Variants in IL17RD observed in about 807,000 individuals in gnomAD.
The protein encoded by IL17RD is interleukin-17 receptor D.
A neutral mutation model predicts 80.5 loss-of-function variants in IL17RD; 52 were observed. The ratio of observed to expected loss-of-function variants is 0.65; its 90% CI spans 0.52 to 0.81. IL17RD has a LOEUF of 0.81. IL17RD is among the 40% of genes least tolerant of loss of function. IL17RD has a pLI of 0.00. For synonymous variants in IL17RD, 416 were observed against 391.8 expected (o/e 1.06, Z -0.73); for missense variants, 1,024 against 955.1 (o/e 1.07, Z -0.95).
Position 57,102,457 on chromosome 3 carries a change from GAC to G in IL17RD, c.979+20_979+21del, listed in dbSNP as rs747296500. ...CCTGGCCTGCCCCTTGTTGTGGGGA[GAC>G]ACAGCACACAAAGAGATACCTTGTT... On this transcript the variant is annotated intron_variant, in intron 10 of 12. Transcript: ENST00000296318. The G allele has an allele frequency of 7.2e-7, 1 of 1,385,590 alleles. No individual in the cohort carries two copies. Among genetic ancestry groups the G allele is most frequent in the Non-Finnish European group, 1.0e-6 (1 of 1,002,478 alleles). 85.8% of individuals were successfully genotyped at this position (1,385,590 alleles called of 1,614,324 possible).
intron 7 of IL17RD, among the ~76,000 whole-genome samples, chr3:57,105,432 G>C (rs188440368): frequency 3.3e-5 from 5 of 150,488 alleles, no homozygotes; most frequent in African/African-American, 9.8e-5. Context: ...AGCTACTCCA[G>C]AGGCTGAGGC....
chr3:57,124,240 T>G (rs1579286969), intron 1 of IL17RD, among the ~76,000 whole-genome samples: 1 of 152,128 alleles, frequency 6.6e-6, no homozygotes, highest in African/African-American at 2.4e-5. Context: ...TCTATTTTCC[T>G]TACACCTCAG....
chr3:57,110,368 C>A, intron 3 of IL17RD, 57 bp from the exon 4 acceptor site: 1 of 1,526,050 alleles, frequency 6.6e-7, no homozygotes, highest in African/African-American at 1.4e-5. Context: ...TGAACACACT[C>A]TTCTTCCTCC....
chr3:57,125,177 C>T (rs888738404), intron 1 of IL17RD, among the ~76,000 whole-genome samples: 1 of 152,086 alleles, frequency 6.6e-6, no homozygotes, highest in Non-Finnish European at 1.5e-5. Flanking sequence ...GAGGCCAAGG[C>T]GGCCGGATCA....
At chr3:57,153,740 T>C (rs2060246061) in intron 1 of IL17RD, among the ~76,000 whole-genome samples, 1 of 152,202 alleles carries the variant, frequency 6.6e-6, no homozygotes, top group Non-Finnish European at 1.5e-5. Flanking sequence ...AGCACAATAA[T>C]GGGGAATCCC....
chr3:57,146,794 T>A (rs1489736285), intron 1 of IL17RD, among the ~76,000 whole-genome samples: 3 of 144,004 alleles, frequency 2.1e-5, no homozygotes, highest in African/African-American at 2.5e-5. Context: ...TAAACGTCAA[T>A]ATTTCGTGTG....
intron 1 of IL17RD, among the ~76,000 whole-genome samples, chr3:57,157,110 C>T (rs1241197654): frequency 6.6e-6 from 1 of 152,042 alleles, no homozygotes; most frequent in African/African-American, 2.4e-5. Context: ...GGGGCCTCCT[C>T]CAAAGCAGGG....
intron 1 of IL17RD, among the ~76,000 whole-genome samples, chr3:57,122,079 C>G (rs1579284749): frequency 6.6e-6 from 1 of 152,106 alleles, no homozygotes; most frequent in Non-Finnish European, 1.5e-5. Flanking sequence ...TCCAAGAATG[C>G]CCAGTTTAGA....
At chr3:57,103,422 G>C (rs1406280727) in intron 8 of IL17RD, among the ~76,000 whole-genome samples, 3 of 152,118 alleles carry the variant, frequency 2.0e-5, no homozygotes, top group African/African-American at 7.2e-5. Context: ...GAAGTCAGCT[G>C]GTGAGTCCCA....
At chr3:57,109,405 A>G in intron 5 of IL17RD, 132 bp downstream of exon 5, 3 of 907,288 alleles carry the variant, frequency 3.3e-6, no homozygotes, top group Non-Finnish European at 1.6e-6. Flanking sequence ...TCGGCCTCCC[A>G]AAGTGCTGGG....
At chr3:57,159,743 C>CT (rs1559488338) in intron 1 of IL17RD, among the ~76,000 whole-genome samples, 1 of 152,216 alleles carries the variant, frequency 6.6e-6, no homozygotes, top group African/African-American at 2.4e-5. Context: ...GAGGTCTGCT[C>CT]TAAGGCCACT....
intron 10 of IL17RD, among the ~76,000 whole-genome samples, chr3:57,101,750 C>CA (rs1432811567): frequency 6.6e-6 from 1 of 152,100 alleles, no homozygotes; most frequent in East Asian, 1.9e-4. Context: ...GTAAAATTTA[C>CA]AAAAGTAAAG....
chr3:57,121,017 T>C (rs1707325487), intron 1 of IL17RD, among the ~76,000 whole-genome samples: 1 of 152,146 alleles, frequency 6.6e-6, no homozygotes, highest in Non-Finnish European at 1.5e-5. Context: ...AGCCCCGGAA[T>C]CCTCCCGTTG....
At chr3:57,116,698 G>C (rs535299914) in intron 2 of IL17RD, among the ~76,000 whole-genome samples, 1 of 152,122 alleles carries the variant, frequency 6.6e-6, no homozygotes, top group Non-Finnish European at 1.5e-5. Context: ...GTAAAGAAGA[G>C]ATTTTAGAAT....
At chr3:57,132,797 G>T (rs1707640298) in intron 1 of IL17RD, among the ~76,000 whole-genome samples, 1 of 152,152 alleles carries the variant, frequency 6.6e-6, no homozygotes, top group Non-Finnish European at 1.5e-5. Flanking sequence ...AGTGAACTAG[G>T]ATGTGGCTAA....
At chr3:57,104,100 T>C (rs931493793) in intron 8 of IL17RD, among the ~76,000 whole-genome samples, 6 of 152,158 alleles carry the variant, frequency 3.9e-5, no homozygotes, top group Admixed American at 6.5e-5. Flanking sequence ...ATACTAGAGA[T>C]TTTAAACCAT....
At chr3:57,168,709 T>G (rs1660815253), upstream of IL17RD, among the ~76,000 whole-genome samples, 1 of 152,172 alleles carries the variant, frequency 6.6e-6, no homozygotes, top group African/African-American at 2.4e-5. Context: ...TGTTGTTGTT[T>G]TTGTTGTTGT....
rs187658495 is a variant in IL17RD at position 57,109,222 on chromosome 3, C to T, written c.550+315G>A. Among the ~76,000 whole-genome samples the T allele has an allele frequency of 1.7e-3, 261 of 152,210 alleles. 2 individuals are homozygous for T. Among genetic ancestry groups the T allele is most frequent in the African/African-American group, 6.2e-3 (256 of 41,524 alleles). ...AGAGTGCAGTGGCCCAATCTTGGCT[C>T]ACTGAAACCTCTGTCTCCCAGGTTC... On this transcript the variant is annotated intron_variant, in intron 5 of 12. Transcript: ENST00000296318.
intron 2 of IL17RD, among the ~76,000 whole-genome samples, chr3:57,115,864 G>A (rs948029264): frequency 1.1e-4 from 16 of 152,260 alleles, no homozygotes; most frequent in African/African-American, 3.6e-4. Flanking sequence ...TTGGGATAAA[G>A]CATTCCAGGG....
Sources: allele counts gnomAD v4.1 joint callset (sites outside exome capture counted in the v4.1 genomes callset), GRCh38; gene constraint gnomAD v4.1.1; transcripts MANE v1.5; gene names NCBI Gene and HGNC (gene_info 2026-07-23, HGNC 2026-07-21).